Variants in GPC5 observed in about 807,000 individuals in gnomAD.
GPC5 encodes the protein glypican 5, also known as glypican-5.
In GPC5, 47 loss-of-function variants were observed where a neutral mutation model predicts 53.9. The observed-to-expected ratio is 0.87, with a 90% confidence interval of 0.69 to 1.11. The LOEUF (loss-of-function observed/expected upper bound fraction) is 1.11, where lower values mean the gene tolerates loss of function less well. Among genes scored for constraint, GPC5 ranks in the 50% most tolerant of loss-of-function variants. GPC5 has a pLI of 0.00. For missense variants in GPC5, 748 were observed against 713.1 expected (o/e 1.05, Z -0.56); for synonymous variants, 286 against 263.3 (o/e 1.09, Z -0.84).
chr13:92,693,171 C>A (rs1887463275), intron 7 of GPC5, among the ~76,000 whole-genome samples: 1 of 152,044 alleles, frequency 6.6e-6, no homozygotes, highest in Non-Finnish European at 1.5e-5. Flanking sequence ...AAACCTTTTT[C>A]CTTTTAAAAT....
At chr13:92,540,587 C>A (rs987184130) in intron 7 of GPC5, among the ~76,000 whole-genome samples, 1 of 151,714 alleles carries the variant, frequency 6.6e-6, no homozygotes, top group African/African-American at 2.4e-5. Flanking sequence ...TTGATTTGAC[C>A]AGCTTATTTT....
intron 7 of GPC5, among the ~76,000 whole-genome samples, chr13:92,347,866 A>ATATAATATATATAT (rs2043428948): frequency 1.3e-4 from 1 of 7,670 alleles, no homozygotes; most frequent in African/African-American, 1.4e-3. Flanking sequence ...TATATATATT[A>ATATAATATATATAT]TATATATAAT....
intron 2 of GPC5, among the ~76,000 whole-genome samples, chr13:91,460,693 G>A (rs1237069908): frequency 2.6e-5 from 4 of 151,892 alleles, no homozygotes; most frequent in Non-Finnish European, 5.9e-5. Context: ...TTATAAAATG[G>A]CATAATAACT....
intron 7 of GPC5, among the ~76,000 whole-genome samples, chr13:92,425,846 T>A (rs1456352672): frequency 1.3e-5 from 2 of 152,256 alleles, no homozygotes; most frequent in African/African-American, 4.8e-5. Flanking sequence ...TTATCTTCAT[T>A]TTAAGTTGTT....
chr13:92,286,337 A>G (rs2139176847), intron 7 of GPC5, among the ~76,000 whole-genome samples: 1 of 152,322 alleles, frequency 6.6e-6, no homozygotes, highest in Non-Finnish European at 1.5e-5. Flanking sequence ...GCGACTCCTC[A>G]AGGATCTAGA....
At chr13:91,710,583 A>C (rs1031756215) in intron 3 of GPC5, among the ~76,000 whole-genome samples, 1 of 152,180 alleles carries the variant, frequency 6.6e-6, no homozygotes, top group African/African-American at 2.4e-5. Context: ...TTCCCATGCT[A>C]CATCTTTCAT....
chr13:91,693,433 C>G lies in GPC5; in HGVS notation c.572C>G (p.Ser191Ter), dbSNP rs780941228. The G allele has an allele frequency of 3.1e-6, 5 of 1,614,164 alleles. No individual in the cohort carries two copies. Among genetic ancestry groups the G allele is most frequent in the African/African-American group, 2.7e-5 (2 of 75,044 alleles). The change falls in exon 3 of 8, where the codon TCA (serine) becomes TGA (stop). Residue 191 changes from serine (S) to a stop codon, truncating the protein, a stop_gained. Transcript: ENST00000377067. LOFTEE classifies it high-confidence loss of function. ...PGVTDSSLEYSECIRMARRDV... is the reference protein window; with the variant it reads ...PGVTDSSLEY The stretch of plus-strand genomic sequence containing the variant: ...GTGACTGACAGTTCCCTGGAATACT[C>G]AGAATGCATCCGGATGGCTCGCCGG...
chr13:92,518,525 C>A (rs890754685), intron 7 of GPC5, among the ~76,000 whole-genome samples: 2 of 152,122 alleles, frequency 1.3e-5, no homozygotes, highest in African/African-American at 4.8e-5. Context: ...TCCAGCCAAA[C>A]TAAGCTTCAT....
chr13:92,333,383 G>A (rs2043301362), intron 7 of GPC5, among the ~76,000 whole-genome samples: 1 of 152,110 alleles, frequency 6.6e-6, no homozygotes, highest in Admixed American at 6.6e-5. Flanking sequence ...TCAGAACCTA[G>A]GGGAAGGGAA....
intron 2 of GPC5, among the ~76,000 whole-genome samples, chr13:91,521,590 G>A (rs1399755564): frequency 6.6e-6 from 1 of 152,112 alleles, no homozygotes; most frequent in Non-Finnish European, 1.5e-5. Context: ...TGACAAACAT[G>A]TTCTAAACAA....
rs778685770 is a variant in GPC5, at chr13:91,756,284, CT to C, written c.1155-8del. ...TTTGGTTTTAATTGTTTTCTTTCTT[CT>C]TTCATTTAGAGAATTTATCAACAGC... On this transcript the variant is annotated splice_polypyrimidine_tract_variant and intron_variant, in intron 4 of 7. Transcript: ENST00000377067. The C allele has an allele frequency of 5.6e-5, 82 of 1,469,256 alleles. 2 individuals carry two copies. The highest frequency in any genetic ancestry group is 7.2e-5 in the Non-Finnish European group (79 of 1,094,792). 91.0% of individuals were successfully genotyped at this position (1,469,256 alleles called of 1,614,324 possible).
In GPC5 at chr13:92,183,853, A is replaced by G. The variant is rs2042164646; in HGVS notation, c.1561+38864A>G. Among the ~76,000 whole-genome samples, 3 of 152,062 alleles carry G rather than the reference A, an allele frequency of 2.0e-5. No homozygotes were observed. In the South Asian group the frequency reaches 6.2e-4, roughly 32 times the overall value. ...CAATAAGATTGTCATCTTTTTAAAT[A>G]ACATGATGCATTCTGGGTAATCTCT... is the stretch of plus-strand genomic sequence containing the variant. On this transcript the variant is annotated intron_variant, in intron 7 of 7. Coordinates refer to ENST00000377067, the MANE Select transcript of GPC5 (RefSeq NM_004466.6).
At chr13:91,487,057 A>G (rs902153100) in intron 2 of GPC5, among the ~76,000 whole-genome samples, 1 of 152,194 alleles carries the variant, frequency 6.6e-6, no homozygotes, top group African/African-American at 2.4e-5. Flanking sequence ...TTCAGGCTCA[A>G]TATTGTAGGT....
intron 7 of GPC5, among the ~76,000 whole-genome samples, chr13:92,373,908 A>C (rs897594551): frequency 6.6e-6 from 1 of 152,202 alleles, no homozygotes; most frequent in Non-Finnish European, 1.5e-5. Context: ...ACTGATAAAT[A>C]ATTCATAGTA....
chr13:92,164,568 C>T (rs1301232581), intron 7 of GPC5, among the ~76,000 whole-genome samples: 2 of 152,184 alleles, frequency 1.3e-5, no homozygotes, highest in Admixed American at 6.5e-5. Context: ...AGGATACAGG[C>T]CCTCCGTCCT....
At chr13:92,735,980 T>A (rs1888924694) in intron 7 of GPC5, among the ~76,000 whole-genome samples, 2 of 151,974 alleles carry the variant, frequency 1.3e-5, no homozygotes, top group African/African-American at 4.8e-5. Context: ...AGTGCAATAC[T>A]CAATCTTCCC....
chr13:92,753,540 G>A (rs1874694728), intron 7 of GPC5, among the ~76,000 whole-genome samples: 1 of 152,106 alleles, frequency 6.6e-6, no homozygotes, highest in African/African-American at 2.4e-5. Flanking sequence ...CTGAGCTATG[G>A]GAGGACATTC....
At position 91,986,613 on chromosome 13, in the gene GPC5, T is replaced by G. The variant is rs117658222; in HGVS notation, c.1401+78556T>G. ...GTGAGCACCTCACTTATTTCAAATT[T>G]AAGAGTAGCTCTCTTACATTGTTTT... is the stretch of plus-strand genomic sequence containing the variant. On this transcript the variant is annotated intron_variant, in intron 6 of 7. Transcript: ENST00000377067. Among the ~76,000 whole-genome samples the G allele has an allele frequency of 9.6e-3, 1,456 of 152,310 alleles. 11 individuals are homozygous for G. Among genetic ancestry groups the G allele is most frequent in the Non-Finnish European group, 0.015 (993 of 68,018 alleles).
chr13:92,777,335 C>CAAAAAAAA lies in GPC5; in HGVS notation c.1562-88936_1562-88929dup, dbSNP rs71202561. Among the ~76,000 whole-genome samples, 2 of 63,464 alleles carry CAAAAAAAA rather than the reference C, an allele frequency of 3.2e-5. 1 individual carries two copies. The highest frequency in any genetic ancestry group is 3.3e-4 in the Admixed American group (2 of 6,062). The allele number at this position is 63,464 out of a possible 152,430, so 41.6% of individuals were successfully genotyped here. ...TGGGCAATAGAGGGAGACTCCATCTCAAAAAAAAAAAAAAAAAAGCCAGGC... is the reference window on the plus strand; with the variant it reads ...TGGGCAATAGAGGGAGACTCCATCTCAAAAAAAAAAAAAAAAAAAAAAAAAAGCCAGGC... On this transcript the variant is annotated intron_variant, in intron 7 of 7. Coordinates refer to ENST00000377067, the MANE Select transcript of GPC5 (RefSeq NM_004466.6).
Sources: gnomAD v4.1 joint callset for allele counts (sites outside exome capture counted in the v4.1 genomes callset) on GRCh38, gnomAD v4.1.1 for gene constraint, MANE v1.5 for transcripts, NCBI Gene and HGNC (gene_info 2026-07-23, HGNC 2026-07-21) for gene names.